The following EXT1 variants were observed in gnomAD, a reference collection of about 807,000 sequenced individuals.
The protein encoded by EXT1 is exostosin glycosyltransferase 1, also known as exostosin-1.
A neutral mutation model predicts 82.5 loss-of-function variants in EXT1; 20 were observed. That is an observed-to-expected ratio of 0.24 (90% CI 0.17 to 0.35). The LOEUF is 0.35. Among genes scored for constraint, EXT1 ranks in the 10% least tolerant of loss-of-function variants. The probability of loss-of-function intolerance (pLI) is 1.00; values close to 1 mark genes in which losing one functional copy is unlikely to be tolerated. For synonymous variants in EXT1, 348 were observed against 350.8 expected (o/e 0.99, Z 0.09); for missense variants, 757 against 936.5 (o/e 0.81, Z 2.50).
At chr8:118,027,870 C>T (rs1447500174) in intron 1 of EXT1, among the ~76,000 whole-genome samples, 2 of 152,098 alleles carry the variant, frequency 1.3e-5, no homozygotes, top group Non-Finnish European at 2.9e-5. Context: ...GGAATTATTA[C>T]CTTTTATTAG....
In EXT1 at chr8:117,858,814, A is replaced by C. The variant is rs17430406; in HGVS notation, c.963-21613T>G. On this transcript the variant is annotated intron_variant, in intron 1 of 10. Coordinates refer to ENST00000378204, the MANE Select transcript of EXT1 (RefSeq NM_000127.3). ...GCAAGGCAAGGCAAGGCAAGGCAGG[A>C]AGGAAGGAAGGAAGGAAGGAAGGAA... Among the ~76,000 whole-genome samples the C allele has an allele frequency of 7.8e-4, 31 of 39,830 alleles. 1 individual carries two copies. Among genetic ancestry groups the C allele is most frequent in the South Asian group, 7.0e-3 (7 of 1,002 alleles). The allele number at this position is 39,830 out of a possible 152,430, so 26.1% of individuals were successfully genotyped here. A position where few individuals can be genotyped will look rare whatever the true frequency, so the allele number is the denominator to read the frequency against.
Position 117,823,064 on chromosome 8 carries a change from G to A in EXT1, c.1285-467C>T, listed in dbSNP as rs1811952127. ...CATGACACATTCTAGAAGCTATTGA[G>A]GTTTTCAGCTGTTCCTTTAATTCAA... On this transcript the variant is annotated intron_variant, in intron 4 of 10. Coordinates refer to ENST00000378204, the MANE Select transcript of EXT1 (RefSeq NM_000127.3). Among the ~76,000 whole-genome samples, 5 of 152,180 alleles carry A rather than the reference G, an allele frequency of 3.3e-5. No homozygotes were observed. The South Asian group carries it at 1.0e-3, about 32-fold the overall frequency.
intron 1 of EXT1, among the ~76,000 whole-genome samples, chr8:117,945,147 G>A (rs1435076815): frequency 6.6e-6 from 1 of 152,164 alleles, no homozygotes; most frequent in East Asian, 1.9e-4. Flanking sequence ...GGGCAATAGA[G>A]CGAGACTCCG....
chr8:118,102,343 GAA>G (rs113578490), intron 1 of EXT1, among the ~76,000 whole-genome samples: 1 of 127,730 alleles, frequency 7.8e-6, no homozygotes. Flanking sequence ...CCATGGGTTA[GAA>G]AAAAAAAAAA....
intron 1 of EXT1, among the ~76,000 whole-genome samples, chr8:117,870,823 T>TCTCACACACACACACACACACACACACA (rs150568638): frequency 6.8e-6 from 1 of 146,774 alleles, no homozygotes; most frequent in African/African-American, 2.6e-5. Flanking sequence ...AAATGCTTTG[T>TCTCACACACACACACACACACACACACA]CACACACACA....
chr8:117,927,943 C>A (rs1422505374), intron 1 of EXT1, among the ~76,000 whole-genome samples: 1 of 152,226 alleles, frequency 6.6e-6, no homozygotes, highest in Non-Finnish European at 1.5e-5. Flanking sequence ...GGAACACCTT[C>A]TTTTCATATT....
At chr8:117,958,065 A>G (rs935379318) in intron 1 of EXT1, among the ~76,000 whole-genome samples, 1 of 152,164 alleles carries the variant, frequency 6.6e-6, no homozygotes, top group African/African-American at 2.4e-5. Flanking sequence ...AACAGTATTT[A>G]ATGCCTTTAA....
intron 1 of EXT1, among the ~76,000 whole-genome samples, chr8:118,071,779 C>G (rs17454120): frequency 0.096 from 14,664 of 152,120 alleles, 921 homozygotes; most frequent in African/African-American, 0.17. Flanking sequence ...CCAATTTCAA[C>G]AGGTCTCTTT....
chr8:118,047,458 G>A (rs1816640528), intron 1 of EXT1, among the ~76,000 whole-genome samples: 1 of 152,154 alleles, frequency 6.6e-6, no homozygotes, highest in Non-Finnish European at 1.5e-5. Flanking sequence ...GACATAGAGA[G>A]CACTCAATCA....
At chr8:118,068,084 T>A (rs1362662404) in intron 1 of EXT1, among the ~76,000 whole-genome samples, 2 of 152,204 alleles carry the variant, frequency 1.3e-5, no homozygotes, top group African/African-American at 4.8e-5. Flanking sequence ...CATAACACCT[T>A]TCAATGGAAA....
intron 1 of EXT1, among the ~76,000 whole-genome samples, chr8:118,068,460 T>C (rs932104834): frequency 6.6e-6 from 1 of 152,170 alleles, no homozygotes; most frequent in Non-Finnish European, 1.5e-5. Context: ...TTAGCTCTTT[T>C]CCCTAATGTT....
intron 1 of EXT1, among the ~76,000 whole-genome samples, chr8:118,060,019 C>T (rs1417436650): frequency 1.3e-5 from 2 of 152,158 alleles, no homozygotes; most frequent in Non-Finnish European, 1.5e-5. Flanking sequence ...CCACACTGAA[C>T]CTCTAAAAAT....
intron 1 of EXT1, among the ~76,000 whole-genome samples, chr8:117,921,379 A>G (rs1318502139): frequency 6.6e-6 from 1 of 152,208 alleles, no homozygotes; most frequent in Non-Finnish European, 1.5e-5. Flanking sequence ...CTCATCAAAG[A>G]CAGAAAACAG....
At chr8:118,042,585 G>A (rs879830205) in intron 1 of EXT1, among the ~76,000 whole-genome samples, 26 of 152,096 alleles carry the variant, frequency 1.7e-4, no homozygotes, top group Non-Finnish European at 3.2e-4. Context: ...ATGAGCCTCT[G>A]GGGGCACCTG....
chr8:117,917,719 T>C (rs1281783208), intron 1 of EXT1, among the ~76,000 whole-genome samples: 1 of 152,154 alleles, frequency 6.6e-6, no homozygotes. Context: ...GTCTCCACTG[T>C]AGAGAAGACA....
intron 3 of EXT1, among the ~76,000 whole-genome samples, chr8:117,831,979 G>A (rs1346305583): frequency 6.6e-6 from 1 of 152,106 alleles, no homozygotes; most frequent in East Asian, 1.9e-4. Context: ...AGAGCCCAAG[G>A]TCAAATGGAA....
intron 1 of EXT1, among the ~76,000 whole-genome samples, chr8:117,981,464 A>G (rs1034239373): frequency 6.6e-6 from 1 of 152,222 alleles, no homozygotes; most frequent in African/African-American, 2.4e-5. Flanking sequence ...ACTAATTACA[A>G]CACTTCTTAT....
intron 1 of EXT1, among the ~76,000 whole-genome samples, chr8:118,059,851 G>A (rs1816855266): frequency 6.6e-6 from 1 of 152,170 alleles, no homozygotes; most frequent in Admixed American, 6.5e-5. Context: ...GGATAATACA[G>A]AGAAAAGACC....
chr8:118,069,904 C>A (rs1817057679), intron 1 of EXT1, among the ~76,000 whole-genome samples: 1 of 152,038 alleles, frequency 6.6e-6, no homozygotes, highest in Non-Finnish European at 1.5e-5. Context: ...ATTTCAGTAT[C>A]CACATATGTA....
Sources: allele counts gnomAD v4.1 joint callset (sites outside exome capture counted in the v4.1 genomes callset), GRCh38; gene constraint gnomAD v4.1.1; transcripts MANE v1.5; gene names NCBI Gene and HGNC (gene_info 2026-07-23, HGNC 2026-07-21).